The following CCDC171 variants were observed in gnomAD, a reference collection of about 807,000 sequenced individuals.
CCDC171 encodes the protein coiled-coil domain containing 171, also known as coiled-coil domain-containing protein 171.
In CCDC171, 177 loss-of-function variants were observed where a neutral mutation model predicts 168.2. That is an observed-to-expected ratio of 1.05 (90% confidence interval 0.93 to 1.19). The LOEUF (loss-of-function observed/expected upper bound fraction) is 1.19. Among genes scored for constraint, CCDC171 ranks in the 50% most tolerant of loss-of-function variants. The probability of loss-of-function intolerance (pLI) is 0.00; values close to 1 mark genes in which losing one functional copy is unlikely to be tolerated. For synonymous variants in CCDC171, 687 were observed against 540.8 expected (o/e 1.27, Z -3.75); for missense variants, 1,991 against 1,539.0 (o/e 1.29, Z -4.91).
chr9:16,047,843 C>T (rs527316067), intron 1 of CCDC171, among the ~76,000 whole-genome samples: 106 of 152,310 alleles, frequency 7.0e-4, no homozygotes, highest in African/African-American at 2.4e-3. Flanking sequence ...TAAATATTCT[C>T]GATCATCATT....
Position 15,670,798 on chromosome 9 carries a change from T to C in CCDC171, c.1076+4475T>C, listed in dbSNP as rs146086737. On this transcript the variant is annotated intron_variant, in intron 9 of 25. Coordinates refer to ENST00000380701, the MANE Select transcript of CCDC171 (RefSeq NM_173550.4). ...GTAACAAGAAACTTTGTTTTGTTTA[T>C]TGCTGTCTTGTCAGTGCCTAGAAAG... Among the ~76,000 whole-genome samples the C allele has an allele frequency of 4.6e-4, 70 of 152,340 alleles. 1 individual carries two copies. Among genetic ancestry groups the C allele is most frequent in the African/African-American group, 1.6e-3 (65 of 41,594 alleles).
Position 15,625,951 on chromosome 9 carries a change from C to T in CCDC171, c.822+2538C>T, listed in dbSNP as rs148288502. ...GATATTGCTTCTTCCTAACCATGAG[C>T]GTGGAATGTTCTTCCATTTGTTTGT... On this transcript the variant is annotated intron_variant, in intron 7 of 25. Transcript: ENST00000380701. Among the ~76,000 whole-genome samples the T allele has an allele frequency of 1.4e-3, 214 of 152,246 alleles. 1 individual carries two copies. Among genetic ancestry groups the T allele is most frequent in the African/African-American group, 4.4e-3 (183 of 41,548 alleles).
At chr9:15,637,388 G>A (rs182256271) in intron 7 of CCDC171, among the ~76,000 whole-genome samples, 88 of 151,876 alleles carry the variant, frequency 5.8e-4, no homozygotes, top group African/African-American at 2.0e-3. Flanking sequence ...CTCAATATCT[G>A]TTTTTATTGG....
At chr9:15,729,857 C>CT (rs57410956) in intron 16 of CCDC171, 59 bp downstream of exon 16, 49,045 of 1,113,008 alleles carry the variant, frequency 0.044, no homozygotes, top group South Asian at 0.061. Flanking sequence ...CCATTAGAAA[C>CT]TTTTTTTTTT....
At position 15,593,983 on chromosome 9, in the gene CCDC171, A is replaced by G. The variant is rs190862143; in HGVS notation, c.544-58A>G. 69 of 1,184,098 alleles carry G rather than the reference A, an allele frequency of 5.8e-5. No homozygotes were observed. In the African/African-American group the frequency reaches 7.5e-4, roughly 13 times the overall value. The allele number at this position is 1,184,098 out of a possible 1,614,324, so 73.3% of individuals were successfully genotyped here. A position where few individuals can be genotyped will look rare whatever the true frequency, so the allele number is the denominator to read the frequency against. On this transcript the variant is annotated intron_variant, in intron 5 of 25. Transcript: ENST00000380701. ...GCCTCTTTGTACATTTAAACTGGGGATGAAGGAAGATAACTTTTATTGATC... is the reference window on the plus strand; with the variant it reads ...GCCTCTTTGTACATTTAAACTGGGGGTGAAGGAAGATAACTTTTATTGATC...
At chr9:15,882,462 A>G (rs150818498) in intron 24 of CCDC171, among the ~76,000 whole-genome samples, 229 of 151,928 alleles carry the variant, frequency 1.5e-3, no homozygotes, top group African/African-American at 5.3e-3. Context: ...CCATTTTTCT[A>G]TTTTTGGCTT....
rs71325936 is a variant in CCDC171, at chr9:15,830,968, ATT to A, written c.3268-15716_3268-15715del. On this transcript the variant is annotated intron_variant, in intron 21 of 25. Transcript: ENST00000380701. The stretch of plus-strand genomic sequence containing the variant: ...CCTCTTTTCTTATGGCCATATCTTA[ATT>A]TTTTTTTTTTTTTTTTTGAGATGGA... 8.0e-3 allele frequency among the ~76,000 whole-genome samples: 984 copies of A among 122,974 alleles called. 5 individuals carry two copies. The highest frequency in any genetic ancestry group is 0.029 in the African/African-American group (935 of 32,012). The allele number at this position is 122,974 out of a possible 152,430, so 80.7% of individuals were successfully genotyped here. A position where few individuals can be genotyped will look rare whatever the true frequency, so the allele number is the denominator to read the frequency against.
chr9:15,669,952 TAAAA>T (rs34465887), intron 9 of CCDC171, among the ~76,000 whole-genome samples: 4 of 112,296 alleles, frequency 3.6e-5, no homozygotes, highest in Admixed American at 9.6e-5. Context: ...GCTGAAGTCT[TAAAA>T]AAAAAAAAAA....
At chr9:15,618,084 C>T (rs2044226110) in intron 6 of CCDC171, among the ~76,000 whole-genome samples, 1 of 152,156 alleles carries the variant, frequency 6.6e-6, no homozygotes, top group Non-Finnish European at 1.5e-5. Flanking sequence ...TCAGAGCTGA[C>T]AGGTAGGAAA....
intron 21 of CCDC171, among the ~76,000 whole-genome samples, chr9:15,831,182 C>CA (rs2060215536): frequency 6.6e-6 from 1 of 151,894 alleles, no homozygotes; most frequent in African/African-American, 2.4e-5. Context: ...CCATGTTAGC[C>CA]AGGATGGTCT....
At chr9:15,937,632 T>G (rs550439108) in intron 25 of CCDC171, among the ~76,000 whole-genome samples, 2 of 151,930 alleles carry the variant, frequency 1.3e-5, no homozygotes, top group East Asian at 3.9e-4. Context: ...CACTGGGGAG[T>G]TGAACAACAA....
chr9:15,988,705 A>C (rs2382546), intron 3 of CCDC171, among the ~76,000 whole-genome samples: 3 of 151,846 alleles, frequency 2.0e-5, no homozygotes, highest in Non-Finnish European at 2.9e-5. Context: ...CAGACGGCAC[A>C]TGGAAAATCG....
intron 11 of CCDC171, among the ~76,000 whole-genome samples, chr9:15,705,595 G>T (rs1228119655): frequency 6.6e-6 from 1 of 152,156 alleles, no homozygotes; most frequent in African/African-American, 2.4e-5. Flanking sequence ...CCTGTGCTCA[G>T]ATCTCACCTT....
At chr9:15,648,010 C>G (rs1442756204) in intron 7 of CCDC171, among the ~76,000 whole-genome samples, 1 of 152,188 alleles carries the variant, frequency 6.6e-6, no homozygotes, top group Admixed American at 6.5e-5. Context: ...AAAATACTGG[C>G]AAACCGAATC....
intron 1 of CCDC171, chr9:16,060,522 A>G (rs562267217): frequency 2.6e-5 from 4 of 152,386 alleles, no homozygotes; most frequent in Admixed American, 2.0e-4. Flanking sequence ...AGACATTGCT[A>G]TCAACTCTCT....
intron 21 of CCDC171, among the ~76,000 whole-genome samples, chr9:15,788,393 A>C (rs563806422): frequency 6.6e-6 from 1 of 152,208 alleles, no homozygotes; most frequent in Admixed American, 6.5e-5. Flanking sequence ...GCTTTAAAAA[A>C]TAGTTCTTTT....
chr9:15,636,910 A>T (rs550150049), intron 7 of CCDC171, among the ~76,000 whole-genome samples: 19 of 152,192 alleles, frequency 1.2e-4, no homozygotes, highest in African/African-American at 4.6e-4. Flanking sequence ...ACTATGTAAT[A>T]ACGAATTTTT....
At chr9:15,609,865 A>G (rs1472260879) in intron 6 of CCDC171, among the ~76,000 whole-genome samples, 1 of 152,126 alleles carries the variant, frequency 6.6e-6, no homozygotes, top group African/African-American at 2.4e-5. Flanking sequence ...ATTGTATTCC[A>G]TCAAGAGACC....
chr9:15,687,592 C>A (rs2050488757), intron 10 of CCDC171, among the ~76,000 whole-genome samples: 1 of 151,520 alleles, frequency 6.6e-6, no homozygotes, highest in East Asian at 1.9e-4. Context: ...TCAGTGAAAC[C>A]AAAAGTTGAT....
Sources: allele counts gnomAD v4.1 joint callset (sites outside exome capture counted in the v4.1 genomes callset), GRCh38; gene constraint gnomAD v4.1.1; transcripts MANE v1.5; gene names NCBI Gene and HGNC (gene_info 2026-07-23, HGNC 2026-07-21).